The following CBX5 variants were observed in gnomAD, a reference collection of about 807,000 sequenced individuals.
CBX5 encodes the protein chromobox 5, also known as chromobox protein homolog 5.
In CBX5, 7 loss-of-function variants were observed where a neutral mutation model predicts 20.7. The observed-to-expected ratio is 0.34, with a 90% CI of 0.19 to 0.63. The LOEUF is 0.63. Ranked by LOEUF, CBX5 falls within the 30% of genes least tolerant of loss-of-function variation. The pLI is 0.75. For missense variants in CBX5, 110 were observed against 224.1 expected (o/e 0.49, Z 3.25); for synonymous variants, 78 against 77.0 (o/e 1.01, Z -0.07).
In CBX5 at chr12:54,238,800, A is replaced by G. The variant is rs1237065475; in HGVS notation, c.*2955T>C. On this transcript the variant is annotated 3_prime_UTR_variant, in exon 5 of 5. Transcript: ENST00000209875. ...AAAGCTGTGCTATAACTCTGAAGAA[A>G]GGGAGATCTTTTAATGTTGATTACT... 1 of 152,236 alleles carries G rather than the reference A, an allele frequency of 6.6e-6. No homozygotes were observed. The highest frequency in any genetic ancestry group is 1.5e-5 in the Non-Finnish European group (1 of 68,044). 9.4% of individuals were successfully genotyped at this position (152,236 alleles called of 1,614,324 possible). A position where few individuals can be genotyped will look rare whatever the true frequency, so the allele number is the denominator to read the frequency against.
At chr12:54,264,305 G>A (rs536088221) in intron 1 of CBX5, among the ~76,000 whole-genome samples, 1 of 152,232 alleles carries the variant, frequency 6.6e-6, no homozygotes, top group African/African-American at 2.4e-5. Flanking sequence ...ACAGGGGCAC[G>A]CCACCATGCC....
At chr12:54,273,550 AT>A (rs1362725658) in intron 1 of CBX5, 1 of 152,208 alleles carries the variant, frequency 6.6e-6, no homozygotes, top group Non-Finnish European at 1.5e-5. Flanking sequence ...GATTGGAGAA[AT>A]TTATCCTGGT....
At chr12:54,252,694 A>G (rs1943818438) in intron 2 of CBX5, among the ~76,000 whole-genome samples, 1 of 152,170 alleles carries the variant, frequency 6.6e-6, no homozygotes, top group Non-Finnish European at 1.5e-5. Flanking sequence ...TAGAGACAGA[A>G]AGCAGATCAG....
intron 4 of CBX5, among the ~76,000 whole-genome samples, chr12:54,243,389 CT>C (rs1471607953): frequency 1.3e-5 from 2 of 151,640 alleles, no homozygotes; most frequent in African/African-American, 4.9e-5. Flanking sequence ...AAGACCTGGT[CT>C]CTTCAAAAAA....
chr12:54,260,262 G>A (rs948164225), intron 1 of CBX5, among the ~76,000 whole-genome samples: 2 of 151,840 alleles, frequency 1.3e-5, no homozygotes, highest in African/African-American at 2.4e-5. Context: ...AGGCCGGGAC[G>A]GGGCAATCAT....
intron 1 of CBX5, among the ~76,000 whole-genome samples, chr12:54,262,270 G>A (rs567983306): frequency 6.6e-6 from 1 of 152,294 alleles, no homozygotes; most frequent in East Asian, 1.9e-4. Flanking sequence ...AAAGAAAAGT[G>A]AATTTAATGA....
At chr12:54,262,582 T>G (rs1943922643) in intron 1 of CBX5, 1 of 152,788 alleles carries the variant, frequency 6.5e-6, no homozygotes, top group African/African-American at 2.4e-5. Flanking sequence ...ATGGAATGTG[T>G]CTTATCTTAA....
At chr12:54,264,470 T>C (rs1382297684) in intron 1 of CBX5, among the ~76,000 whole-genome samples, 3 of 152,210 alleles carry the variant, frequency 2.0e-5, no homozygotes, top group East Asian at 1.9e-4. Flanking sequence ...TATCTTGTTA[T>C]AGTCATTTCA....
At chr12:54,247,705 CCT>C (rs987346427) in intron 3 of CBX5, among the ~76,000 whole-genome samples, 1 of 151,918 alleles carries the variant, frequency 6.6e-6, no homozygotes, top group Non-Finnish European at 1.5e-5. Flanking sequence ...AGACAGTCTC[CCT>C]CTGTTGCCTA....
At chr12:54,274,044 TCTG>T (rs1944036182) in intron 1 of CBX5, 1 of 152,204 alleles carries the variant, frequency 6.6e-6, no homozygotes, top group African/African-American at 2.4e-5. Context: ...AATTGGCAGA[TCTG>T]AGAAGAGAAA....
chr12:54,276,851 GTT>G (rs1944073794), intron 1 of CBX5: 1 of 152,166 alleles, frequency 6.6e-6, no homozygotes, highest in African/African-American at 2.4e-5. Context: ...GGTCAAAAAA[GTT>G]TTGAGACGTG....
chr12:54,253,815 T>C lies in CBX5; in HGVS notation c.138-1588A>G, dbSNP rs749912236. 1.5e-3 allele frequency among the ~76,000 whole-genome samples: 213 copies of C among 142,054 alleles called. 1 individual carries two copies. Among genetic ancestry groups the C allele is most frequent in the Non-Finnish European group, 2.4e-3 (157 of 66,228 alleles). 93.2% of individuals were successfully genotyped at this position (142,054 alleles called of 152,430 possible). On this transcript the variant is annotated intron_variant, in intron 2 of 4. Coordinates refer to ENST00000209875, the MANE Select transcript of CBX5 (RefSeq NM_012117.3). ...TCTCACTCTGTCTTGCAGGCTGGAGTGCAGTGGTGTGATATCGGCTCGCTG... is the reference window on the plus strand; with the variant it reads ...TCTCACTCTGTCTTGCAGGCTGGAGCGCAGTGGTGTGATATCGGCTCGCTG...
intron 1 of CBX5, among the ~76,000 whole-genome samples, chr12:54,279,715 GA>G (rs1441358395): frequency 6.6e-6 from 1 of 152,182 alleles, no homozygotes; most frequent in Non-Finnish European, 1.5e-5. Context: ...ACGCTGCTCA[GA>G]AGGGGAAAAC....
chr12:54,270,872 C>G (rs970209534), intron 1 of CBX5, among the ~76,000 whole-genome samples: 2 of 151,784 alleles, frequency 1.3e-5, no homozygotes, highest in African/African-American at 4.8e-5. Flanking sequence ...GGCAACATAA[C>G]GAGACCCTGT....
intron 1 of CBX5, among the ~76,000 whole-genome samples, chr12:54,275,462 C>G (rs1327036732): frequency 6.6e-6 from 1 of 151,952 alleles, no homozygotes; most frequent in Non-Finnish European, 1.5e-5. Context: ...AGGATGGTCT[C>G]AATCTCCTGA....
intron 1 of CBX5, among the ~76,000 whole-genome samples, chr12:54,261,303 C>CTTT (rs372027623): frequency 7.0e-6 from 1 of 143,544 alleles, no homozygotes; most frequent in Admixed American, 7.0e-5. Flanking sequence ...TTTCTTTTTT[C>CTTT]TTTTTTTTTT....
In CBX5 at chr12:54,231,026, T is replaced by A. The variant is rs1213512123; in HGVS notation, c.*10729A>T. 2.6e-5 allele frequency: 4 copies of A among 152,108 alleles called. No individual in the cohort carries two copies. The highest frequency in any genetic ancestry group is 2.6e-4 in the Admixed American group (4 of 15,266). The allele number at this position is 152,108 out of a possible 1,614,324, so 9.4% of individuals were successfully genotyped here. A position where few individuals can be genotyped will look rare whatever the true frequency, so the allele number is the denominator to read the frequency against. ...AGGAGGGTAGAAGAGGGGGAGAGAA[T>A]GAGGTCTGCATCAGATGTCAGTTAT... On this transcript the variant is annotated 3_prime_UTR_variant, in exon 5 of 5. Transcript: ENST00000209875.
At chr12:54,262,714 C>G (rs533574037) in intron 1 of CBX5, 1 of 152,718 alleles carries the variant, frequency 6.5e-6, no homozygotes, top group South Asian at 2.1e-4. Context: ...AAATGAAACA[C>G]AAAGCCAGTC....
At chr12:54,257,310 T>C (rs991106219) in intron 2 of CBX5, among the ~76,000 whole-genome samples, 7 of 152,240 alleles carry the variant, frequency 4.6e-5, no homozygotes, top group East Asian at 1.9e-4. Flanking sequence ...CAATTCATTA[T>C]ACTGCCTTTC....
Sources: allele counts gnomAD v4.1 joint callset (sites outside exome capture counted in the v4.1 genomes callset), GRCh38; gene constraint gnomAD v4.1.1; transcripts MANE v1.5; gene names NCBI Gene and HGNC (gene_info 2026-07-23, HGNC 2026-07-21).